Variants in WBP2 observed in about 807,000 individuals in gnomAD.
WBP2 encodes WW domain binding protein 2, also known as WW domain-binding protein 2.
A neutral mutation model predicts 33.0 loss-of-function variants in WBP2; 23 were observed. The observed-to-expected ratio is 0.70, with a 90% CI of 0.50 to 0.99. The LOEUF (loss-of-function observed/expected upper bound fraction) is 0.99. WBP2 is among the 50% of genes least tolerant of loss of function. The pLI, the probability that WBP2 is intolerant of heterozygous loss-of-function variation, is 0.00. For missense variants in WBP2, 353 were observed against 358.0 expected (o/e 0.99, Z 0.11); for synonymous variants, 153 against 133.5 (o/e 1.15, Z -1.01).
intron 2 of WBP2, 43 bp downstream of exon 2, chr17:75,851,525 C>G: frequency 6.7e-7 from 1 of 1,491,604 alleles, no homozygotes; most frequent in Non-Finnish European, 9.3e-7. Flanking sequence ...TCACCTCCAA[C>G]AGCAACAAGC....
intron 2 of WBP2, 76 bp from the exon 3 acceptor site, chr17:75,849,815 G>A (rs1306816794): frequency 1.5e-5 from 23 of 1,570,150 alleles, no homozygotes; most frequent in Non-Finnish European, 2.0e-5. Context: ...TGCTTCCTGG[G>A]AGTGACGAAT....
intron 1 of WBP2, 178 bp from the exon 2 acceptor site, chr17:75,851,854 C>T: frequency 2.2e-6 from 1 of 459,038 alleles, no homozygotes; most frequent in Non-Finnish European, 4.2e-6. Context: ...GTAATCCCAG[C>T]ACTTTGGGAG....
chr17:75,849,795 G>A (rs548443635), intron 2 of WBP2, 56 bp from the exon 3 acceptor site: 24 of 1,597,116 alleles, frequency 1.5e-5, no homozygotes, highest in Non-Finnish European at 2.1e-5. Context: ...ACGCTGCCAT[G>A]CTTCCCGCCT....
chr17:75,854,309 T>G (rs561096952), intron 1 of WBP2, among the ~76,000 whole-genome samples: 10 of 152,302 alleles, frequency 6.6e-5, no homozygotes, highest in South Asian at 4.1e-4. Flanking sequence ...AAGCTCCTTC[T>G]GCCTTCAAGA....
intron 3 of WBP2, chr17:75,849,391 G>T: frequency 1.7e-6 from 1 of 572,494 alleles, no homozygotes; most frequent in Non-Finnish European, 3.1e-6. Flanking sequence ...CAGACTTCAC[G>T]CTCTGAAAAG....
At chr17:75,852,685 G>C (rs1352818450) in intron 1 of WBP2, 6 of 477,350 alleles carry the variant, frequency 1.3e-5, no homozygotes, top group Non-Finnish European at 1.6e-5. Context: ...TCGATCTCCT[G>C]ACTTCGTGAT....
chr17:75,848,468 C>T (rs2065008622), intron 4 of WBP2, 102 bp downstream of exon 4: 6 of 1,121,094 alleles, frequency 5.4e-6, no homozygotes, highest in Non-Finnish European at 5.2e-6. Context: ...AAACACTTAC[C>T]TCTTGAGTTC....
chr17:75,853,828 G>A (rs943628340), intron 1 of WBP2, among the ~76,000 whole-genome samples: 3 of 151,960 alleles, frequency 2.0e-5, no homozygotes, highest in African/African-American at 4.8e-5. Flanking sequence ...GGTGGATCAC[G>A]AGGTCAGGAG....
chr17:75,846,434 GAGGGGAGA>G lies in WBP2; in HGVS notation c.*292_*299del, dbSNP rs1384219374. On this transcript the variant is annotated 3_prime_UTR_variant, in exon 8 of 8. Coordinates refer to ENST00000254806, the MANE Select transcript of WBP2 (RefSeq NM_012478.4). The surrounding 1 kb of genome is among the most constrained non-coding windows in gnomAD (Gnocchi z 4.8). ...GAGGAGGTGGCCAGAGAGTCCCTTC[GAGGGGAGA>G]AGCTGAGAGTGAAACAGGAACAGGG... 80 of 462,698 alleles carry G rather than the reference GAGGGGAGA, an allele frequency of 1.7e-4. 1 individual carries two copies. The South Asian group carries it at 1.7e-3, about 10-fold the overall frequency. The allele number at this position is 462,698 out of a possible 1,614,324, so 28.7% of individuals were successfully genotyped here. A position where few individuals can be genotyped will look rare whatever the true frequency, so the allele number is the denominator to read the frequency against.
At chr17:75,855,583 C>G (rs892788720), upstream of WBP2, 9 of 483,516 alleles carry the variant, frequency 1.9e-5, no homozygotes, top group Admixed American at 3.0e-4. Flanking sequence ...CTTGTAGTCT[C>G]CTGGATCATA....
chr17:75,855,491 AGAT>A, upstream of WBP2: 1 of 613,886 alleles, frequency 1.6e-6, no homozygotes, highest in Non-Finnish European at 2.9e-6. Flanking sequence ...GCAACAAACA[AGAT>A]GAAGACTACA....
In WBP2 at chr17:75,851,631, C is replaced by G; in HGVS notation, c.105G>C (p.Met35Ile). ...CTTTGAAGGCTTCTGGCACGTTCTT[C>G]ATGTCATTGAATGTGAGTTCCACGT... ...YDHVELTFND[M>I]KNVPEAFKGT... Residue 35 changes from methionine to isoleucine, a missense_variant, in exon 2 of 8, where the codon ATG (methionine) becomes ATC (isoleucine). Coordinates refer to ENST00000254806, the MANE Select transcript of WBP2 (RefSeq NM_012478.4). The G allele has an allele frequency of 6.2e-7, 1 of 1,613,776 alleles. No homozygotes were observed. The highest frequency in any genetic ancestry group is 2.2e-5 in the East Asian group (1 of 44,866).
rs549749075 is a variant in WBP2, at chr17:75,847,978, G to A, written c.398-48C>T. 8.6e-5 allele frequency: 133 copies of A among 1,553,498 alleles called. 1 individual carries two copies. The South Asian group carries it at 1.3e-3, about 15-fold the overall frequency. ...AAATGAGCGTGGCCTGCCTTGGGGCGGGGAGAGGGCAGCCCCGCTGCCTGC... is the reference window on the plus strand; with the variant it reads ...AAATGAGCGTGGCCTGCCTTGGGGCAGGGAGAGGGCAGCCCCGCTGCCTGC... On this transcript the variant is annotated intron_variant, in intron 4 of 7. Transcript: ENST00000254806.
intron 1 of WBP2, among the ~76,000 whole-genome samples, chr17:75,853,603 A>C (rs1237757040): frequency 6.6e-6 from 1 of 152,140 alleles, no homozygotes; most frequent in Non-Finnish European, 1.5e-5. Flanking sequence ...CTGGGAACTG[A>C]CTCACACACA....
rs375259732 is a variant in WBP2 at position 75,848,565 on chromosome 17, G to A, written c.397+5C>T. On this transcript the variant is annotated splice_donor_5th_base_variant and intron_variant, in intron 4 of 7. Coordinates refer to ENST00000254806, the MANE Select transcript of WBP2 (RefSeq NM_012478.4). ...TTTAGCCCCTAATCTTCGGAGCCTGGATACCTTGAGATGCCACCTGGAGCA... is the reference window on the plus strand; with the variant it reads ...TTTAGCCCCTAATCTTCGGAGCCTGAATACCTTGAGATGCCACCTGGAGCA... 6.1e-5 allele frequency: 98 copies of A among 1,613,274 alleles called. No individual in the cohort carries two copies. The highest frequency in any genetic ancestry group is 8.1e-5 in the Non-Finnish European group (95 of 1,179,546).
chr17:75,848,086 G>T, intron 4 of WBP2, 156 bp from the exon 5 acceptor site: 1 of 1,035,070 alleles, frequency 9.7e-7, no homozygotes, highest in Non-Finnish European at 1.4e-6. Context: ...ATACTCGGGG[G>T]GCCACCTTGG....
At chr17:75,855,077 G>A in intron 1 of WBP2, 162 bp downstream of exon 1, 1 of 270,588 alleles carries the variant, frequency 3.7e-6, no homozygotes, top group Admixed American at 4.1e-5. Flanking sequence ...CTCCCCCACG[G>A]CCCACCCACC....
intron 1 of WBP2, among the ~76,000 whole-genome samples, chr17:75,854,043 T>TAAAAAA (rs55857053): frequency 1.8e-5 from 1 of 55,452 alleles, no homozygotes; most frequent in African/African-American, 6.4e-5. Flanking sequence ...AGCCTCCATC[T>TAAAAAA]AAAAAAAAAA....
Position 75,846,762 on chromosome 17 carries a change from T to C in WBP2, c.758A>G (p.Tyr253Cys). ...PTSQPPPPPY[Y>C]PPEDKKTQ Reference sequence around the variant, plus strand: ...CTGGGTCTTCTTATCTTCCGGTGGGTAGTAGGGAGGTGGCGGCGGCTGGCT... The same window carrying C: ...CTGGGTCTTCTTATCTTCCGGTGGGCAGTAGGGAGGTGGCGGCGGCTGGCT... Residue 253 changes from tyrosine (Y) to cysteine (C), a missense_variant, in exon 8 of 8, where the codon TAC (tyrosine) becomes TGC (cysteine). Transcript: ENST00000254806. This position sits in a 1 kb window ranked among gnomAD's most constrained non-coding sequence, Gnocchi z 4.8. 1 of 1,541,442 alleles carries C rather than the reference T, an allele frequency of 6.5e-7. No individual in the cohort carries two copies. Among genetic ancestry groups the C allele is most frequent in the South Asian group, 1.2e-5 (1 of 80,114 alleles).
Sources: allele counts gnomAD v4.1 joint callset (sites outside exome capture counted in the v4.1 genomes callset), GRCh38; gene constraint gnomAD v4.1.1; non-coding constraint Gnocchi (gnomAD v3.1); transcripts MANE v1.5; gene names NCBI Gene and HGNC (gene_info 2026-07-23, HGNC 2026-07-21).